The following IGF1 variants were observed in gnomAD, a reference collection of about 807,000 sequenced individuals.
The protein encoded by IGF1 is insulin like growth factor 1.
IGF1 carries 4 observed loss-of-function variants against 13.8 expected under a neutral mutation model. The observed-to-expected ratio is 0.29, with a 90% confidence interval of 0.14 to 0.66. The LOEUF is 0.66. IGF1 is among the 30% of genes least tolerant of loss of function. The pLI, the probability that IGF1 is intolerant of heterozygous loss-of-function variation, is 0.78. For synonymous variants in IGF1, 76 were observed against 72.6 expected, an observed-to-expected ratio of 1.05 and a Z score of -0.23; for missense variants, 124 against 188.5, an observed-to-expected ratio of 0.66 and a Z score of 2.00.
intron 2 of IGF1, among the ~76,000 whole-genome samples, chr12:102,441,906 G>GCTGCTGCTTCCTCTT: frequency 1.0e-5 from 1 of 100,292 alleles, no homozygotes; most frequent in African/African-American, 3.9e-5. Context: ...CTATTACACT[G>GCTGCTGCTTCCTCTT]CTTCTTCTCC....
At chr12:102,427,109 A>G (rs536345279) in intron 2 of IGF1, among the ~76,000 whole-genome samples, 17 of 152,310 alleles carry the variant, frequency 1.1e-4, no homozygotes, top group South Asian at 1.0e-3. Flanking sequence ...TCACTACTCC[A>G]TCTTGGACCC....
At chr12:102,417,200 T>G (rs368099165) in intron 3 of IGF1, among the ~76,000 whole-genome samples, 4 of 119,664 alleles carry the variant, frequency 3.3e-5, no homozygotes, top group African/African-American at 9.9e-5. Flanking sequence ...TTATATCTGA[T>G]TCCAAAGTGC....
At chr12:102,457,881 T>A (rs17878397) in intron 2 of IGF1, among the ~76,000 whole-genome samples, 116 of 152,358 alleles carry the variant, frequency 7.6e-4, no homozygotes, top group African/African-American at 2.6e-3. Context: ...GCATGATGGG[T>A]GTTCATGAAC....
At chr12:102,418,020 A>G in intron 3 of IGF1, 1 of 1,602,576 alleles carries the variant, frequency 6.2e-7, no homozygotes, top group Non-Finnish European at 8.5e-7. Flanking sequence ...ACATCACAAA[A>G]ATAATTGCAT....
chr12:102,419,191 A>G (rs1166169611), intron 3 of IGF1, among the ~76,000 whole-genome samples: 1 of 152,230 alleles, frequency 6.6e-6, no homozygotes, highest in Non-Finnish European at 1.5e-5. Flanking sequence ...GCTTGGGTAC[A>G]TCACATTATT....
intron 3 of IGF1, chr12:102,417,671 A>C: frequency 1.4e-6 from 2 of 1,439,476 alleles, no homozygotes. Context: ...GATTCTCTAA[A>C]AGGTTACTTC....
rs538654125 is a variant in IGF1, at chr12:102,423,366, A to G, written c.221-3676T>C. ...GTTGTACTGGCATGAGGAAGTGTTC[A>G]TGCACTTACTCAACTGTTAGAATGA... On this transcript the variant is annotated intron_variant, in intron 2 of 3. Coordinates refer to ENST00000337514, the MANE Select transcript of IGF1 (RefSeq NM_000618.5). 5.4e-4 allele frequency among the ~76,000 whole-genome samples: 82 copies of G among 151,476 alleles called. 1 individual carries two copies. The South Asian group carries it at 0.017, about 31-fold the overall frequency.
At chr12:102,448,105 G>GT (rs56704014) in intron 2 of IGF1, among the ~76,000 whole-genome samples, 141,178 of 151,282 alleles carry the variant, frequency 0.93, 65,907 homozygotes, top group East Asian at 1. Flanking sequence ...CTGTAAACTA[G>GT]TCAACCATTG....
intron 2 of IGF1, among the ~76,000 whole-genome samples, chr12:102,452,157 G>A (rs1187717636): frequency 3.3e-5 from 5 of 150,364 alleles, no homozygotes; most frequent in Non-Finnish European, 5.9e-5. Context: ...AGCTACTCGG[G>A]AGGCTGAGGC....
chr12:102,475,852 G>A, intron 1 of IGF1, 53 bp from the exon 2 acceptor site: 2 of 1,558,518 alleles, frequency 1.3e-6, no homozygotes, highest in Admixed American at 1.9e-5. Flanking sequence ...CTTGCAAGGG[G>A]AGTGGGGTGG....
chr12:102,428,717 G>A (rs966470951), intron 2 of IGF1, among the ~76,000 whole-genome samples: 6 of 152,102 alleles, frequency 3.9e-5, no homozygotes, highest in Non-Finnish European at 7.4e-5. Context: ...TGACTCTTTC[G>A]GCCCCAGGAG....
rs894476908 is a variant in IGF1, at chr12:102,396,918, A to G, written c.*5589T>C. 1.0e-5 allele frequency: 4 copies of G among 398,340 alleles called. No individual in the cohort carries two copies. Among genetic ancestry groups the G allele is most frequent in the African/African-American group, 4.1e-5 (2 of 48,616 alleles). 24.7% of individuals were successfully genotyped at this position (398,340 alleles called of 1,614,324 possible). On this transcript the variant is annotated 3_prime_UTR_variant, in exon 4 of 4. Coordinates refer to ENST00000337514, the MANE Select transcript of IGF1 (RefSeq NM_000618.5). ...GTAATCATACATTAAGAGGGAACACATGGGCAGGGTGTGGTGGCTCATGCC... is the reference window on the plus strand; with the variant it reads ...GTAATCATACATTAAGAGGGAACACGTGGGCAGGGTGTGGTGGCTCATGCC...
intron 2 of IGF1, among the ~76,000 whole-genome samples, chr12:102,435,603 G>A (rs1877157242): frequency 6.6e-6 from 1 of 152,178 alleles, no homozygotes; most frequent in South Asian, 2.1e-4. Flanking sequence ...AAAACTGAGA[G>A]TTTAAGTGGC....
chr12:102,474,549 C>T (rs577286382), intron 2 of IGF1, among the ~76,000 whole-genome samples: 2 of 152,286 alleles, frequency 1.3e-5, no homozygotes, highest in South Asian at 2.1e-4. Flanking sequence ...ACCCCACCTG[C>T]CTAGAGAGAG....
At chr12:102,447,017 C>T (rs1033783854) in intron 2 of IGF1, among the ~76,000 whole-genome samples, 3 of 152,150 alleles carry the variant, frequency 2.0e-5, no homozygotes, top group Non-Finnish European at 4.4e-5. Context: ...TGTTCAGTTT[C>T]CATGTACTTG....
At chr12:102,424,709 T>C (rs1271648634) in intron 2 of IGF1, among the ~76,000 whole-genome samples, 1 of 152,208 alleles carries the variant, frequency 6.6e-6, no homozygotes, top group African/African-American at 2.4e-5. Flanking sequence ...CCTCCCAATA[T>C]TTCCTACATC....
chr12:102,430,257 C>A (rs1430076380), intron 2 of IGF1, among the ~76,000 whole-genome samples: 1 of 152,194 alleles, frequency 6.6e-6, no homozygotes, highest in Non-Finnish European at 1.5e-5. Flanking sequence ...ATTCTCTCTT[C>A]TCAGCCTTCC....
chr12:102,434,547 CATT>C (rs1258904321), intron 2 of IGF1, among the ~76,000 whole-genome samples: 1 of 145,730 alleles, frequency 6.9e-6, no homozygotes, highest in African/African-American at 2.5e-5. Flanking sequence ...TCCAGTCTAT[CATT>C]GTTGGACATT....
intron 3 of IGF1, among the ~76,000 whole-genome samples, chr12:102,407,120 A>G (rs1874232123): frequency 2.3e-5 from 1 of 42,968 alleles, no homozygotes; most frequent in Non-Finnish European, 5.9e-5. Flanking sequence ...AAAAAAAAAA[A>G]AAAAAAAAAA....
Sources: allele counts gnomAD v4.1 joint callset (sites outside exome capture counted in the v4.1 genomes callset), GRCh38; gene constraint gnomAD v4.1.1; transcripts MANE v1.5; gene names NCBI Gene and HGNC (gene_info 2026-07-23, HGNC 2026-07-21).